The following RAB44 variants were observed in gnomAD, a reference collection of about 807,000 sequenced individuals.
The protein encoded by RAB44 is ras-related protein Rab-44.
In RAB44, 67 loss-of-function variants were observed where a neutral mutation model predicts 93.3. That is an observed-to-expected ratio of 0.72 (90% CI 0.59 to 0.88). The LOEUF is 0.88. RAB44 is among the 40% of genes least tolerant of loss of function. The probability of loss-of-function intolerance (pLI) is 0.00; values close to 1 mark genes in which losing one functional copy is unlikely to be tolerated. For missense variants in RAB44, 1,064 were observed against 1,261.7 expected (o/e 0.84, Z 2.37); for synonymous variants, 427 against 520.3 (o/e 0.82, Z 2.44).
intron 2 of RAB44, 60 bp downstream of exon 2, chr6:36,704,502 T>C: frequency 6.8e-7 from 1 of 1,466,434 alleles, no homozygotes; most frequent in South Asian, 1.2e-5. Context: ...TGACACCCCC[T>C]CTCCCCCATC....
intron 2 of RAB44, among the ~76,000 whole-genome samples, chr6:36,708,536 T>C (rs1379332555): frequency 6.6e-6 from 1 of 152,178 alleles, no homozygotes; most frequent in Admixed American, 6.5e-5. Flanking sequence ...GATTAAGACG[T>C]CATGGGAGAC....
Position 36,731,199 on chromosome 6 carries a change from TCACACA to T in RAB44, c.2975+458_2975+463del, listed in dbSNP as rs999579144. On this transcript the variant is annotated intron_variant, in intron 13 of 13. Coordinates refer to ENST00000612677, the MANE Select transcript of RAB44 (RefSeq NM_001257357.2). The surrounding 1 kb of genome is among the most constrained non-coding windows in gnomAD (Gnocchi z 4.0). ...CTCACACTCTTACACACACTCACAC[TCACACA>T]CACACACTTGCCAAGTTCCAGCCAC... 6.0e-5 allele frequency among the ~76,000 whole-genome samples: 9 copies of T among 149,160 alleles called. No individual in the cohort carries two copies. Among genetic ancestry groups the T allele is most frequent in the African/African-American group, 2.0e-4 (8 of 40,518 alleles).
At chr6:36,716,713 G>A (rs1014446783) in intron 4 of RAB44, among the ~76,000 whole-genome samples, 2 of 151,812 alleles carry the variant, frequency 1.3e-5, no homozygotes, top group African/African-American at 2.4e-5. Flanking sequence ...TGGGGCAAGG[G>A]GGTGGGGAGC....
chr6:36,717,247 A>G lies in RAB44; in HGVS notation c.495-26A>G. ...ATCCCACCTTGTGTCTGACCCTCCC[A>G]TCTCTGGCTGTCTTCCCCTCCCCAG... On this transcript the variant is annotated intron_variant, in intron 4 of 13. Coordinates refer to ENST00000612677, the MANE Select transcript of RAB44 (RefSeq NM_001257357.2). The surrounding 1 kb of genome is among the most constrained non-coding windows in gnomAD (Gnocchi z 4.1). 1 of 1,232,092 alleles carries G rather than the reference A, an allele frequency of 8.1e-7. No homozygotes were observed. The highest frequency in any genetic ancestry group is 1.0e-6 in the Non-Finnish European group (1 of 987,942). The allele number at this position is 1,232,092 out of a possible 1,614,324, so 76.3% of individuals were successfully genotyped here. A position where few individuals can be genotyped will look rare whatever the true frequency, so the allele number is the denominator to read the frequency against.
chr6:36,699,397 G>T (rs1349084894), intron 1 of RAB44, among the ~76,000 whole-genome samples: 1 of 152,108 alleles, frequency 6.6e-6, no homozygotes, highest in South Asian at 2.1e-4. Flanking sequence ...GGCAGGCTGC[G>T]ATGTGACACT....
At position 36,721,355 on chromosome 6, in the gene RAB44, C is replaced by T; in HGVS notation, c.1221C>T (p.Val407=). ...ATSGPQTPRV[V]RQISISEPQA... is the part of the protein sequence containing the mutation. ...CAGGCCCCCAGACACCCCGTGTGGT[C>T]AGGCAGATCTCCATCTCGGAGCCAC... Residue 407 remains valine (V), a synonymous_variant, in exon 9 of 14, where the codon GTC becomes GTT. Coordinates refer to ENST00000612677, the MANE Select transcript of RAB44 (RefSeq NM_001257357.2). The T allele has an allele frequency of 8.1e-7, 1 of 1,234,086 alleles. No homozygotes were observed. The highest frequency in any genetic ancestry group is 1.0e-6 in the Non-Finnish European group (1 of 988,136). 76.4% of individuals were successfully genotyped at this position (1,234,086 alleles called of 1,614,324 possible).
intron 8 of RAB44, among the ~76,000 whole-genome samples, chr6:36,720,816 C>G (rs891705415): frequency 5.3e-5 from 8 of 152,210 alleles, no homozygotes; most frequent in African/African-American, 1.9e-4. Flanking sequence ...CACACATACA[C>G]ACACACATAC....
At chr6:36,716,505 G>A (rs999186231) in intron 4 of RAB44, among the ~76,000 whole-genome samples, 1 of 151,746 alleles carries the variant, frequency 6.6e-6, no homozygotes, top group South Asian at 2.1e-4. Flanking sequence ...GATAGAAAGG[G>A]AGCCCTGCCT....
intron 12 of RAB44, among the ~76,000 whole-genome samples, chr6:36,730,425 C>T (rs1026124334): frequency 3.9e-5 from 6 of 152,172 alleles, no homozygotes; most frequent in African/African-American, 7.2e-5. Flanking sequence ...CATGCCACTC[C>T]GAAGGCTGTG....
intron 1 of RAB44, among the ~76,000 whole-genome samples, chr6:36,703,029 C>T (rs890917830): frequency 2.0e-5 from 3 of 152,142 alleles, no homozygotes; most frequent in African/African-American, 7.2e-5. Flanking sequence ...ACCGCAGATA[C>T]CATAGAATGG....
At chr6:36,712,017 A>G (rs983213780) in intron 2 of RAB44, among the ~76,000 whole-genome samples, 2 of 152,016 alleles carry the variant, frequency 1.3e-5, no homozygotes, top group Non-Finnish European at 2.9e-5. Context: ...AAGTAAACAC[A>G]GCAGGCTGGG....
intron 1 of RAB44, among the ~76,000 whole-genome samples, chr6:36,703,581 C>G (rs974109435): frequency 6.6e-6 from 1 of 152,014 alleles, no homozygotes; most frequent in South Asian, 2.1e-4. Context: ...CCCAAGGGCA[C>G]AGGGGTGGGG....
At chr6:36,706,250 T>C (rs1439630384) in intron 2 of RAB44, among the ~76,000 whole-genome samples, 1 of 152,172 alleles carries the variant, frequency 6.6e-6, no homozygotes, top group Non-Finnish European at 1.5e-5. Flanking sequence ...GACCAACTGC[T>C]CCAGTTTTCC....
Position 36,728,711 on chromosome 6 carries a change from G to C in RAB44, c.2808G>C (p.Ser936=). ...TGTTCTGTGTGCAGGATGCAGGGTC[G>C]GATGGGGTGGTCATCCTTCTCCTGG... The part of the protein sequence containing the change: ...YWLDCLQDAG[S]DGVVILLLGN... Residue 936 remains serine, a synonymous_variant, in exon 12 of 14, where the codon TCG becomes TCC. Coordinates refer to ENST00000612677, the MANE Select transcript of RAB44 (RefSeq NM_001257357.2). 1 of 1,550,530 alleles carries C rather than the reference G, an allele frequency of 6.4e-7. No homozygotes were observed.
chr6:36,720,680 TCTGCCAAGCTGGAACTATCA>T, intron 8 of RAB44, 130 bp downstream of exon 8: 1 of 706,448 alleles, frequency 1.4e-6, no homozygotes, highest in South Asian at 7.6e-5. Context: ...AACCCCACCC[TCTGCCAAGCTGGAACTATCA>T]CAACCATTTC....
At chr6:36,728,676 T>C in intron 11 of RAB44, 24 bp from the exon 12 acceptor site, 1 of 1,535,180 alleles carries the variant, frequency 6.5e-7, no homozygotes, top group African/African-American at 1.4e-5. Flanking sequence ...TGGGTGTGGC[T>C]GACAGAACAT....
intron 2 of RAB44, 42 bp from the exon 3 acceptor site, chr6:36,713,786 T>C: frequency 7.8e-7 from 1 of 1,279,214 alleles, no homozygotes; most frequent in Non-Finnish European, 1.1e-6. Flanking sequence ...GTGAGAGCCT[T>C]CCCCGGTGGG....
intron 12 of RAB44, 63 bp downstream of exon 12, chr6:36,728,864 G>A (rs1405584228): frequency 7.4e-7 from 1 of 1,352,464 alleles, no homozygotes; most frequent in South Asian, 1.2e-5. Flanking sequence ...CCTGGCAGGT[G>A]GTGGATAGGC....
chr6:36,698,176 G>A (rs1762427655), intron 1 of RAB44, among the ~76,000 whole-genome samples: 1 of 152,134 alleles, frequency 6.6e-6, no homozygotes, highest in African/African-American at 2.4e-5. Flanking sequence ...CAGTTTCTCT[G>A]TTAGTTAGGA....
Sources: allele counts gnomAD v4.1 joint callset (sites outside exome capture counted in the v4.1 genomes callset), GRCh38; gene constraint gnomAD v4.1.1; non-coding constraint Gnocchi (gnomAD v3.1); transcripts MANE v1.5; gene names NCBI Gene and HGNC (gene_info 2026-07-23, HGNC 2026-07-21).